SH3D19: variants seen among roughly 807,000 people sequenced by gnomAD.
The protein encoded by SH3D19 is SH3 domain containing 19, also known as SH3 domain-containing protein 19.
A neutral mutation model predicts 112.1 loss-of-function variants in SH3D19; 58 were observed. The observed-to-expected ratio is 0.52, with a 90% CI of 0.42 to 0.64. The LOEUF (loss-of-function observed/expected upper bound fraction) is 0.64. SH3D19 is among the 30% of genes least tolerant of loss of function. SH3D19 has a pLI of 0.00. For synonymous variants in SH3D19, 391 were observed against 448.5 expected (o/e 0.87, Z 1.62); for missense variants, 1,090 against 1,263.4 (o/e 0.86, Z 2.08).
chr4:151,214,841 G>A (rs1348951080), intron 2 of SH3D19, among the ~76,000 whole-genome samples: 2 of 147,466 alleles, frequency 1.4e-5, no homozygotes, highest in Non-Finnish European at 3.0e-5. Context: ...GGACAGGGCG[G>A]CTGCCGGGCA....
chr4:151,132,410 A>G lies in SH3D19; in HGVS notation c.2690-27T>C, dbSNP rs770918484. ...TACATTAAAAAAACAAACAAACACA[A>G]GAAGTCAGAACATTAGATGTGAAGG... On this transcript the variant is annotated intron_variant, in intron 16 of 19. Transcript: ENST00000604030. 2.5e-6 allele frequency: 4 copies of G among 1,606,104 alleles called. No individual in the cohort carries two copies. The African/African-American group carries it at 5.3e-5, about 21-fold the overall frequency.
chr4:151,301,648 A>G (rs1032241394), intron 1 of SH3D19, among the ~76,000 whole-genome samples: 1 of 152,132 alleles, frequency 6.6e-6, no homozygotes, highest in African/African-American at 2.4e-5. Context: ...AACCTCCCTG[A>G]GGCCTCCCCA....
intron 1 of SH3D19, among the ~76,000 whole-genome samples, chr4:151,270,457 T>C (rs1205939571): frequency 6.6e-6 from 1 of 152,230 alleles, no homozygotes; most frequent in Non-Finnish European, 1.5e-5. Context: ...CAGAAGCAGA[T>C]GCCGCTATGC....
chr4:151,289,307 G>T (rs986858592), intron 1 of SH3D19, among the ~76,000 whole-genome samples: 1 of 152,144 alleles, frequency 6.6e-6, no homozygotes, highest in South Asian at 2.1e-4. Context: ...GTAGGTCTTT[G>T]TGACCTTGAT....
At chr4:151,214,684 G>C (rs1414570720) in intron 2 of SH3D19, among the ~76,000 whole-genome samples, 1 of 90,924 alleles carries the variant, frequency 1.1e-5, no homozygotes, top group Non-Finnish European at 2.7e-5. Flanking sequence ...CGGGCAGAGG[G>C]GCTCCTCACT....
At chr4:151,269,624 T>C (rs996487760) in intron 1 of SH3D19, among the ~76,000 whole-genome samples, 2 of 152,126 alleles carry the variant, frequency 1.3e-5, no homozygotes, top group African/African-American at 4.8e-5. Flanking sequence ...TTAAAAGTTT[T>C]CTTTAATAAT....
chr4:151,195,472 G>A (rs925674825), intron 2 of SH3D19, among the ~76,000 whole-genome samples: 3 of 151,726 alleles, frequency 2.0e-5, no homozygotes, highest in African/African-American at 7.3e-5. Context: ...GCATTGTGCT[G>A]GGCACCAAAG....
chr4:151,277,025 TG>T, intron 1 of SH3D19: 1 of 478,626 alleles, frequency 2.1e-6, no homozygotes, highest in Non-Finnish European at 3.3e-6. Context: ...CTTCAGGATC[TG>T]GCAGCGGGTG....
intron 2 of SH3D19, among the ~76,000 whole-genome samples, chr4:151,221,295 G>A (rs1344886905): frequency 6.6e-6 from 1 of 151,658 alleles, no homozygotes; most frequent in Non-Finnish European, 1.5e-5. Flanking sequence ...GGCCTGAGGA[G>A]AACCGAAAAA....
rs559437756 is a variant in SH3D19, at chr4:151,163,982, T to C, written c.1642+1607A>G. On this transcript the variant is annotated intron_variant, in intron 8 of 19. Coordinates refer to ENST00000604030, the MANE Select transcript of SH3D19 (RefSeq NM_001378122.1). ...ACCAGAATTTGATACCTTAGATTTT[T>C]TTCTCCTCCACATTCTTCATAGCAA... is the stretch of plus-strand genomic sequence containing the variant. Among the ~76,000 whole-genome samples the C allele has an allele frequency of 3.9e-5, 6 of 152,324 alleles. No homozygotes were observed. In the South Asian group the frequency reaches 8.3e-4, roughly 21 times the overall value.
chr4:151,165,763 A>G lies in SH3D19; in HGVS notation c.1535-67T>C, dbSNP rs532769155. 8.2e-6 allele frequency: 11 copies of G among 1,349,052 alleles called. No individual in the cohort carries two copies. The East Asian group carries it at 2.1e-4, about 25-fold the overall frequency. 83.6% of individuals were successfully genotyped at this position (1,349,052 alleles called of 1,614,324 possible). The stretch of plus-strand genomic sequence containing the variant: ...TGGACTGAAACAAAAAACCTCATTC[A>G]TAATTTAAGAGTCATATTTTTCATG... On this transcript the variant is annotated intron_variant, in intron 7 of 19. Coordinates refer to ENST00000604030, the MANE Select transcript of SH3D19 (RefSeq NM_001378122.1).
intron 1 of SH3D19, among the ~76,000 whole-genome samples, chr4:151,313,734 A>C (rs1335569681): frequency 1.3e-5 from 2 of 152,206 alleles, no homozygotes; most frequent in Non-Finnish European, 2.9e-5. Flanking sequence ...GAGAGTAACC[A>C]ATCTACCTTG....
chr4:151,276,339 TA>T (rs1483480468), intron 1 of SH3D19, among the ~76,000 whole-genome samples: 1 of 152,132 alleles, frequency 6.6e-6, no homozygotes, highest in Non-Finnish European at 1.5e-5. Context: ...GACCCCCCTT[TA>T]GAACTGAAGC....
intron 1 of SH3D19, among the ~76,000 whole-genome samples, chr4:151,261,872 G>A (rs1260957747): frequency 6.6e-6 from 1 of 152,128 alleles, no homozygotes; most frequent in Non-Finnish European, 1.5e-5. Context: ...GTGTGGGTAG[G>A]TGGATAGGGG....
chr4:151,171,865 T>C (rs1759122656), intron 7 of SH3D19, among the ~76,000 whole-genome samples: 1 of 152,212 alleles, frequency 6.6e-6, no homozygotes, highest in African/African-American at 2.4e-5. Context: ...GAATTGCTAA[T>C]ACTTCTGGGC....
chr4:151,228,012 A>C, intron 1 of SH3D19: 1 of 985,388 alleles, frequency 1.0e-6, no homozygotes, highest in Non-Finnish European at 1.2e-6. Context: ...GAATGTGGCC[A>C]CTCAGGAAGC....
intron 1 of SH3D19, chr4:151,282,389 T>A: frequency 6.2e-7 from 1 of 1,613,752 alleles, no homozygotes; most frequent in Non-Finnish European, 8.5e-7. Context: ...GGTGACCGGA[T>A]GGGGAAAAGT....
intron 12 of SH3D19, among the ~76,000 whole-genome samples, chr4:151,141,320 C>A (rs1229892877): frequency 6.6e-6 from 1 of 152,078 alleles, no homozygotes; most frequent in African/African-American, 2.4e-5. Flanking sequence ...GAGATTGGGT[C>A]TCGCCACGTT....
intron 1 of SH3D19, among the ~76,000 whole-genome samples, chr4:151,275,334 G>A (rs1199596109): frequency 1.3e-5 from 2 of 152,074 alleles, no homozygotes; most frequent in African/African-American, 4.8e-5. Flanking sequence ...TGACCCACCC[G>A]CCTCGGCCTC....
Sources: gnomAD v4.1 joint callset for allele counts (sites outside exome capture counted in the v4.1 genomes callset) on GRCh38, gnomAD v4.1.1 for gene constraint, MANE v1.5 for transcripts, NCBI Gene and HGNC (gene_info 2026-07-23, HGNC 2026-07-21) for gene names.